LGSN: variants seen among roughly 807,000 people sequenced by gnomAD.
LGSN encodes lengsin.
LGSN carries 21 observed loss-of-function variants against 19.5 expected under a neutral mutation model. That is an observed-to-expected ratio of 1.07 (90% CI 0.76 to 1.55). The LOEUF is 1.55. Among genes scored for constraint, LGSN ranks in the 40% most tolerant of loss-of-function variants. The probability of loss-of-function intolerance (pLI) is 0.00; values close to 1 mark genes in which losing one functional copy is unlikely to be tolerated. For synonymous variants in LGSN, 257 were observed against 215.6 expected (o/e 1.19, Z -1.68); for missense variants, 673 against 608.5 (o/e 1.11, Z -1.12).
At position 63,281,033 on chromosome 6, in the gene LGSN, A is replaced by C; in HGVS notation, c.518T>G (p.Phe173Cys). The change falls in exon 4 of 4, where the codon TTC becomes TGC. Residue 173 changes from phenylalanine (F) to cysteine (C), a missense_variant. Phe to Cys is a radical substitution (Grantham distance 205). Coordinates refer to ENST00000370657, the MANE Select transcript of LGSN (RefSeq NM_016571.3). ...CAAAAGAGGCTCACCAGTCACAGTG[A>C]AGGTATCACATATCACTCTTGCAGT... is the stretch of plus-strand genomic sequence containing the variant. The part of the protein sequence containing the change: ...DRTARVICDT[F>C]TVTGEPLLTS... The C allele has an allele frequency of 6.2e-7, 1 of 1,614,072 alleles. No homozygotes were observed. Among genetic ancestry groups the C allele is most frequent in the Non-Finnish European group, 8.5e-7 (1 of 1,180,000 alleles).
chr6:63,372,203 G>A, the LGSN span, among the ~76,000 whole-genome samples: 1 of 152,186 alleles, frequency 6.6e-6, no homozygotes, highest in African/African-American at 2.4e-5. Flanking sequence ...GAAGACCCCA[G>A]GTGGGCTGCT....
the LGSN span, among the ~76,000 whole-genome samples, chr6:63,412,231 G>A: frequency 6.6e-6 from 1 of 151,750 alleles, no homozygotes; most frequent in Non-Finnish European, 1.5e-5. Context: ...GCCGGACATG[G>A]TGGCAGAAGC....
chr6:63,425,819 A>G, the LGSN span, among the ~76,000 whole-genome samples: 10 of 152,136 alleles, frequency 6.6e-5, no homozygotes, highest in Non-Finnish European at 1.5e-4. Context: ...AAAAATAAAA[A>G]CAATAAAAAG....
chr6:63,404,233 A>T, the LGSN span, among the ~76,000 whole-genome samples: 2 of 152,192 alleles, frequency 1.3e-5, no homozygotes, highest in Non-Finnish European at 2.9e-5. Context: ...AATTTATTAC[A>T]TAACAATAGA....
the LGSN span, among the ~76,000 whole-genome samples, chr6:63,493,151 C>G: frequency 6.6e-6 from 1 of 152,164 alleles, no homozygotes; most frequent in Non-Finnish European, 1.5e-5. Context: ...TCCTGAATGT[C>G]TGCTTTGGTT....
rs1767164043 is a variant in LGSN, at chr6:63,278,410, A to G, written c.*1611T>C. 6.6e-6 allele frequency: 1 copy of G among 151,594 alleles called. No individual in the cohort carries two copies. Among genetic ancestry groups the G allele is most frequent in the Non-Finnish European group, 1.5e-5 (1 of 67,924 alleles). The allele number at this position is 151,594 out of a possible 1,614,324, so 9.4% of individuals were successfully genotyped here. A position where few individuals can be genotyped will look rare whatever the true frequency, so the allele number is the denominator to read the frequency against. Reference sequence around the variant, plus strand: ...TTCCCTTCCTTCCCCCAGCTACCCTACACTATCTTTCTCTCTACCCCATAT... The same window carrying G: ...TTCCCTTCCTTCCCCCAGCTACCCTGCACTATCTTTCTCTCTACCCCATAT... On this transcript the variant is annotated 3_prime_UTR_variant, in exon 4 of 4. Coordinates refer to ENST00000370657, the MANE Select transcript of LGSN (RefSeq NM_016571.3).
intron 1 of LGSN, among the ~76,000 whole-genome samples, chr6:63,297,043 A>C (rs1582034107): frequency 6.6e-6 from 1 of 152,068 alleles, no homozygotes; most frequent in East Asian, 1.9e-4. Flanking sequence ...AATTTCACCA[A>C]TAAGAGCCCA....
At chr6:63,359,313 GC>G in the LGSN span, among the ~76,000 whole-genome samples, 1 of 152,146 alleles carries the variant, frequency 6.6e-6, no homozygotes, top group African/African-American at 2.4e-5. Context: ...TTGTGTCTCT[GC>G]CCAGCTTTGG....
At chr6:63,336,347 G>T in the LGSN span, among the ~76,000 whole-genome samples, 1 of 151,982 alleles carries the variant, frequency 6.6e-6, no homozygotes, top group African/African-American at 2.4e-5. Context: ...TTCACATGTA[G>T]CCTATAAATA....
chr6:63,472,091 C>T, the LGSN span, among the ~76,000 whole-genome samples: 5 of 152,154 alleles, frequency 3.3e-5, no homozygotes, highest in Non-Finnish European at 7.4e-5. Flanking sequence ...GATTTGCCTC[C>T]TTGTAATTTG....
chr6:63,489,432 A>C, the LGSN span, among the ~76,000 whole-genome samples: 1 of 152,226 alleles, frequency 6.6e-6, no homozygotes, highest in African/African-American at 2.4e-5. Flanking sequence ...GCAGTGGCAC[A>C]ATCTCAGCTC....
chr6:63,545,849 G>A, the LGSN span, among the ~76,000 whole-genome samples: 10 of 151,472 alleles, frequency 6.6e-5, no homozygotes, highest in Admixed American at 1.3e-4. Flanking sequence ...TGAGAAACCT[G>A]GTTCTAAGAA....
At chr6:63,333,242 CGT>C in the LGSN span, among the ~76,000 whole-genome samples, 2 of 151,796 alleles carry the variant, frequency 1.3e-5, no homozygotes, top group Non-Finnish European at 2.9e-5. Context: ...CTGATTGGTG[CGT>C]TTACAATAAG....
chr6:63,507,701 G>A, the LGSN span, among the ~76,000 whole-genome samples: 3 of 152,108 alleles, frequency 2.0e-5, no homozygotes, highest in Non-Finnish European at 2.9e-5. Flanking sequence ...CAAACAATGA[G>A]TACCTGAATT....
chr6:63,505,852 GTT>G, the LGSN span, among the ~76,000 whole-genome samples: 1 of 152,046 alleles, frequency 6.6e-6, no homozygotes, highest in South Asian at 2.1e-4. Flanking sequence ...TCAAGACAGG[GTT>G]TCACCATAGT....
the LGSN span, among the ~76,000 whole-genome samples, chr6:63,483,716 C>G: frequency 6.6e-6 from 1 of 152,100 alleles, no homozygotes; most frequent in Non-Finnish European, 1.5e-5. Flanking sequence ...AATGGCTTTC[C>G]CATGGCTTAT....
chr6:63,429,182 T>C, the LGSN span, among the ~76,000 whole-genome samples: 1 of 152,280 alleles, frequency 6.6e-6, no homozygotes, highest in Non-Finnish European at 1.5e-5. Flanking sequence ...GTGGGAAAAG[T>C]GTGACAAAAT....
chr6:63,542,561 A>G, the LGSN span, among the ~76,000 whole-genome samples: 2 of 152,124 alleles, frequency 1.3e-5, no homozygotes, highest in African/African-American at 4.8e-5. Flanking sequence ...CCTCTCTCCA[A>G]TCTCTCTTCA....
At chr6:63,548,803 G>T in the LGSN span, 1 of 732,918 alleles carries the variant, frequency 1.4e-6, no homozygotes, top group South Asian at 1.4e-5. Flanking sequence ...CCTCCCCAGT[G>T]ACGGCGGATC....
Sources: gnomAD v4.1 joint callset for allele counts (sites outside exome capture counted in the v4.1 genomes callset) on GRCh38, gnomAD v4.1.1 for gene constraint, MANE v1.5 for transcripts, NCBI Gene and HGNC (gene_info 2026-07-23, HGNC 2026-07-21) for gene names.